CAPN3: variants seen among roughly 807,000 people sequenced by gnomAD.
CAPN3 encodes the protein calpain 3.
CAPN3 carries 88 observed loss-of-function variants against 114.0 expected under a neutral mutation model. The ratio of observed to expected loss-of-function variants is 0.77; its 90% CI spans 0.65 to 0.92. The LOEUF is 0.92. CAPN3 is among the 40% of genes least tolerant of loss of function. CAPN3 has a pLI of 0.00. For missense variants in CAPN3, 1,028 were observed against 1,069.0 expected (o/e 0.96, Z 0.53); for synonymous variants, 386 against 382.9 (o/e 1.01, Z -0.09).
chr15:42,361,505 G>A (rs57028985), intron 1 of CAPN3, among the ~76,000 whole-genome samples: 2,559 of 152,142 alleles, frequency 0.017, 80 homozygotes, highest in African/African-American at 0.059. Flanking sequence ...AACCTGAGGT[G>A]GAGTACTAGA....
chr15:42,380,784 T>C (rs1182805592), intron 1 of CAPN3, among the ~76,000 whole-genome samples: 22 of 138,518 alleles, frequency 1.6e-4, no homozygotes, highest in African/African-American at 6.1e-4. Context: ...AAAGATGGGG[T>C]TTTGCCATGT....
chr15:42,389,107 G>A lies in CAPN3; in HGVS notation c.801+11G>A. On this transcript the variant is annotated intron_variant, in intron 5 of 23. Coordinates refer to ENST00000397163, the MANE Select transcript of CAPN3 (RefSeq NM_000070.3). Reference sequence around the variant, plus strand: ...GGCTGCTCCATTGATGTAAGTCTGGGGTGTGGGGCACAGGGTGGGGAGCTC... The same window carrying A: ...GGCTGCTCCATTGATGTAAGTCTGGAGTGTGGGGCACAGGGTGGGGAGCTC... 6.8e-6 allele frequency: 11 copies of A among 1,613,774 alleles called. No individual in the cohort carries two copies. The highest frequency in any genetic ancestry group is 2.2e-5 in the South Asian group (2 of 91,058).
intron 10 of CAPN3, among the ~76,000 whole-genome samples, chr15:42,401,391 A>T (rs1328878074): frequency 1.3e-5 from 2 of 151,126 alleles, no homozygotes; most frequent in Non-Finnish European, 3.0e-5. Context: ...CAAAACCATC[A>T]GCAAAGACTG....
chr15:42,396,857 C>T lies in CAPN3; in HGVS notation c.1173C>T (p.Val391=). 3 of 1,613,728 alleles carry T rather than the reference C, an allele frequency of 1.9e-6. No homozygotes were observed. The highest frequency in any genetic ancestry group is 1.1e-5 in the South Asian group (1 of 91,068). Reference sequence around the variant, plus strand: ...AGAAGGCCCGTCTGCAGCACCAGGTCACTGAGGATGGAGAGTTCTGGTGAG... The same window carrying T: ...AGAAGGCCCGTCTGCAGCACCAGGTTACTGAGGATGGAGAGTTCTGGTGAG... ...KDEKARLQHQ[V]TEDGEFWMSY... Residue 391 remains valine (V), a synonymous_variant, in exon 9 of 24, where the codon GTC becomes GTT. Transcript: ENST00000397163.
intron 15 of CAPN3, among the ~76,000 whole-genome samples, chr15:42,407,547 T>G (rs2054059048): frequency 6.6e-6 from 1 of 152,176 alleles, no homozygotes. Context: ...GCCAGGATGG[T>G]CTTGATCTCC....
At chr15:42,360,545 GTTA>G (rs1179798302) in intron 1 of CAPN3, among the ~76,000 whole-genome samples, 1 of 152,060 alleles carries the variant, frequency 6.6e-6, no homozygotes. Flanking sequence ...AAATCATGAT[GTTA>G]TTCTTCTTTA....
intron 1 of CAPN3, among the ~76,000 whole-genome samples, chr15:42,364,309 A>G (rs891774482): frequency 6.6e-5 from 10 of 152,228 alleles, no homozygotes; most frequent in African/African-American, 2.4e-4. Flanking sequence ...TGAAGAACCC[A>G]TCTCTTAATT....
intron 1 of CAPN3, 94 bp downstream of exon 1, chr15:42,360,208 T>C: frequency 1.5e-6 from 2 of 1,337,160 alleles, no homozygotes; most frequent in East Asian, 2.3e-5. Context: ...ACATGGGCAC[T>C]GGGGGAAGGA....
chr15:42,399,355 A>G, intron 9 of CAPN3, 137 bp from the exon 10 acceptor site: 1 of 705,654 alleles, frequency 1.4e-6, no homozygotes, highest in Non-Finnish European at 2.5e-6. Flanking sequence ...CTAAAAAGGA[A>G]AGACAGGCTC....
rs370355559 is a variant in CAPN3, at chr15:42,396,872, G to A, written c.1188G>A (p.Glu396=). The change falls in exon 9 of 24, where the codon GAG becomes GAA. Residue 396 remains glutamate, a synonymous_variant. Coordinates refer to ENST00000397163, the MANE Select transcript of CAPN3 (RefSeq NM_000070.3). ...AGCACCAGGTCACTGAGGATGGAGA[G>A]TTCTGGTGAGTCCAGAACCCAGGAA... ...RLQHQVTEDG[E]FWMSYEDFIY... is the part of the protein sequence containing the mutation. 14 of 1,612,364 alleles carry A rather than the reference G, an allele frequency of 8.7e-6. No homozygotes were observed. In the African/African-American group the frequency reaches 1.7e-4, roughly 20 times the overall value.
intron 14 of CAPN3, chr15:42,404,005 A>G: frequency 1.6e-6 from 1 of 644,392 alleles, no homozygotes; most frequent in Non-Finnish European, 2.9e-6. Flanking sequence ...GAAATATGGA[A>G]GAGGGTCCTG....
At position 42,402,926 on chromosome 15, in the gene CAPN3, G is replaced by A. The variant is rs930071521; in HGVS notation, c.1669G>A (p.Val557Met). The A allele has an allele frequency of 8.7e-6, 14 of 1,614,038 alleles. No individual in the cohort carries two copies. The highest frequency in any genetic ancestry group is 2.2e-5 in the South Asian group (2 of 91,092). Residue 557 changes from valine to methionine, a missense_variant, in exon 13 of 24, where the codon GTG becomes ATG. Transcript: ENST00000397163. ...FRLPPSEYVIVPSTYEPHQEG... is the reference protein window; with the variant it reads ...FRLPPSEYVIMPSTYEPHQEG... Reference sequence around the variant, plus strand: ...CCTGCCTCCCAGCGAGTACGTCATCGTGCCCTCCACCTACGAGCCCCACCA... The same window carrying A: ...CCTGCCTCCCAGCGAGTACGTCATCATGCCCTCCACCTACGAGCCCCACCA...
At chr15:42,372,991 C>T (rs976870628) in intron 1 of CAPN3, among the ~76,000 whole-genome samples, 15 of 151,960 alleles carry the variant, frequency 9.9e-5, no homozygotes, top group South Asian at 6.2e-4. Context: ...GAGTTCAAGA[C>T]CAGCCTAGCC....
intron 6 of CAPN3, 68 bp from the exon 7 acceptor site, chr15:42,392,571 C>A: frequency 8.1e-7 from 1 of 1,228,022 alleles, no homozygotes; most frequent in Non-Finnish European, 1.2e-6. Context: ...CTAGTATGAA[C>A]TTTGCCTCCA....
intron 4 of CAPN3, among the ~76,000 whole-genome samples, chr15:42,388,420 C>T (rs1019289557): frequency 5.9e-5 from 9 of 152,200 alleles, no homozygotes; most frequent in African/African-American, 1.9e-4. Context: ...CTCCTCCCAC[C>T]TCAGCCTCCC....
At position 42,402,899 on chromosome 15, in the gene CAPN3, C is replaced by T. The variant is rs375279877; in HGVS notation, c.1642C>T (p.Arg548Cys). 8.7e-6 allele frequency: 14 copies of T among 1,614,058 alleles called. No homozygotes were observed. The highest frequency in any genetic ancestry group is 6.7e-5 in the Admixed American group (4 of 60,012). Residue 548 changes from arginine (R) to cysteine (C), a missense_variant, in exon 13 of 24, where the codon CGC (arginine) becomes TGC (cysteine). Arg to Cys is a radical substitution (Grantham distance 180). Coordinates refer to ENST00000397163, the MANE Select transcript of CAPN3 (RefSeq NM_000070.3). ...INMREVSQRF[R>C]LPPSEYVIVP... ...CATGCGGGAGGTGTCCCAGCGCTTC[C>T]GCCTGCCTCCCAGCGAGTACGTCAT...
Position 42,392,865 on chromosome 15 carries a change from G to C in CAPN3, c.1029+143G>C, listed in dbSNP as rs565715213. 5.9e-5 allele frequency: 38 copies of C among 640,334 alleles called. 1 individual carries two copies. The South Asian group carries it at 6.5e-4, about 11-fold the overall frequency. 39.7% of individuals were successfully genotyped at this position (640,334 alleles called of 1,614,324 possible). On this transcript the variant is annotated intron_variant, in intron 7 of 23. Transcript: ENST00000397163. ...TCAGTTCAAGGTCCAAGCCACGCCT[G>C]GGAGCAGAGGGGCCTGTGAAACTGG...
At chr15:42,398,202 C>T (rs1251426292) in intron 9 of CAPN3, among the ~76,000 whole-genome samples, 1 of 151,742 alleles carries the variant, frequency 6.6e-6, no homozygotes, top group Non-Finnish European at 1.5e-5. Context: ...GTGTAATGAT[C>T]AAATTAGGGT....
chr15:42,409,272 T>C (rs1364693633), intron 16 of CAPN3, 31 bp from the exon 17 acceptor site: 1 of 1,587,842 alleles, frequency 6.3e-7, no homozygotes. Flanking sequence ...CTCTGACCCC[T>C]GTGAACCAGT....
Sources: allele counts gnomAD v4.1 joint callset (sites outside exome capture counted in the v4.1 genomes callset), GRCh38; gene constraint gnomAD v4.1.1; transcripts MANE v1.5; gene names NCBI Gene and HGNC (gene_info 2026-07-23, HGNC 2026-07-21).